FNDC3B: variants seen among roughly 807,000 people sequenced by gnomAD.
FNDC3B encodes the protein fibronectin type III domain containing 3B.
A neutral mutation model predicts 151.5 loss-of-function variants in FNDC3B; 12 were observed. That is an observed-to-expected ratio of 0.08 (90% confidence interval 0.05 to 0.13). FNDC3B has a LOEUF of 0.13. FNDC3B is among the 10% of genes least tolerant of loss of function. FNDC3B has a pLI of 1.00. For missense variants in FNDC3B, 1,214 were observed against 1,505.3 expected, an observed-to-expected ratio of 0.81 and a Z score of 3.20; for synonymous variants, 528 against 549.0, an observed-to-expected ratio of 0.96 and a Z score of 0.54.
At chr3:172,183,954 G>A (rs780153180) in intron 3 of FNDC3B, among the ~76,000 whole-genome samples, 5 of 152,096 alleles carry the variant, frequency 3.3e-5, no homozygotes, top group Non-Finnish European at 7.4e-5. Flanking sequence ...TCTATGCCAG[G>A]TACATGGCTA....
At chr3:172,234,604 T>G in intron 4 of FNDC3B, among the ~76,000 whole-genome samples, 1 of 152,220 alleles carries the variant, frequency 6.6e-6, no homozygotes, top group East Asian at 1.9e-4. Flanking sequence ...CTTATTGACA[T>G]TTAGCATTTT....
At chr3:172,278,602 A>G (rs1000354660) in intron 6 of FNDC3B, among the ~76,000 whole-genome samples, 1 of 152,182 alleles carries the variant, frequency 6.6e-6, no homozygotes, top group Non-Finnish European at 1.5e-5. Context: ...GTGGGTTTGC[A>G]TCCCTGTACA....
intron 23 of FNDC3B, among the ~76,000 whole-genome samples, chr3:172,367,872 T>TA (rs1734706959): frequency 6.6e-6 from 1 of 152,184 alleles, no homozygotes; most frequent in South Asian, 2.1e-4. Context: ...AAGAGGGATC[T>TA]AATAGAGCAG....
At chr3:172,231,958 G>A (rs1726917819) in intron 4 of FNDC3B, among the ~76,000 whole-genome samples, 1 of 139,668 alleles carries the variant, frequency 7.2e-6, no homozygotes, top group Admixed American at 8.2e-5. Flanking sequence ...TTGGCTCACT[G>A]CAACCTCTGC....
In FNDC3B at chr3:172,392,810, C is replaced by CTTTCTTTT. The variant is rs1491505881; in HGVS notation, c.3304-4351_3304-4350insCTTTTTTT. ...GAATGAATTTTTTCTTTTTTTTTTT[C>CTTTCTTTT]TTTTTTTTTTTTCAGACAGAGAGTA... On this transcript the variant is annotated intron_variant, in intron 25 of 25. Coordinates refer to ENST00000415807, the MANE Select transcript of FNDC3B (RefSeq NM_022763.4). Among the ~76,000 whole-genome samples, 35 of 99,898 alleles carry CTTTCTTTT rather than the reference C, an allele frequency of 3.5e-4. 1 individual carries two copies. The South Asian group carries it at 5.2e-3, about 15-fold the overall frequency. 65.5% of individuals were successfully genotyped at this position (99,898 alleles called of 152,430 possible).
intron 2 of FNDC3B, among the ~76,000 whole-genome samples, chr3:172,122,227 C>T (rs1042413019): frequency 2.0e-5 from 3 of 152,064 alleles, no homozygotes; most frequent in Non-Finnish European, 2.9e-5. Flanking sequence ...AAGCAAGCTG[C>T]GTAAAATTCG....
intron 10 of FNDC3B, among the ~76,000 whole-genome samples, chr3:172,310,561 G>A (rs73167272): frequency 2.3e-3 from 354 of 152,350 alleles, no homozygotes; most frequent in Non-Finnish European, 4.3e-3. Context: ...CCATGAGGGT[G>A]TAAAAAGGGA....
At chr3:172,378,829 C>G (rs1320945518) in intron 24 of FNDC3B, among the ~76,000 whole-genome samples, 6 of 152,138 alleles carry the variant, frequency 3.9e-5, no homozygotes, top group African/African-American at 1.4e-4. Context: ...ACTTCAGCAG[C>G]CTTTCTCTTT....
Position 172,063,250 on chromosome 3 carries a change from A to G in FNDC3B, c.-29+23479A>G, listed in dbSNP as rs184937068. ...TTTGCTGTTTACTTCATCCCCACCCACCGCCACCAAAAATGCCTTCAGAAA... is the reference window on the plus strand; with the variant it reads ...TTTGCTGTTTACTTCATCCCCACCCGCCGCCACCAAAAATGCCTTCAGAAA... On this transcript the variant is annotated intron_variant, in intron 1 of 25. Transcript: ENST00000415807. Among the ~76,000 whole-genome samples the G allele has an allele frequency of 3.4e-4, 52 of 151,986 alleles. 2 individuals are homozygous for G. In the East Asian group the frequency reaches 9.7e-3, roughly 28 times the overall value.
chr3:172,043,491 T>G (rs1716196450), intron 1 of FNDC3B, among the ~76,000 whole-genome samples: 1 of 152,152 alleles, frequency 6.6e-6, no homozygotes, highest in Admixed American at 6.5e-5. Context: ...GTACTACAGG[T>G]GTGCACGCCA....
intron 3 of FNDC3B, among the ~76,000 whole-genome samples, chr3:172,151,469 C>CT (rs924599773): frequency 3.2e-4 from 48 of 151,790 alleles, no homozygotes; most frequent in African/African-American, 1.1e-3. Context: ...CCCCCAACCT[C>CT]TTTTTTTTTC....
chr3:172,117,567 T>A (rs1195519569), intron 2 of FNDC3B, among the ~76,000 whole-genome samples: 4 of 152,218 alleles, frequency 2.6e-5, no homozygotes, highest in Non-Finnish European at 4.4e-5. Flanking sequence ...AACAGAAGTG[T>A]CGACATAGGG....
intron 1 of FNDC3B, among the ~76,000 whole-genome samples, chr3:172,051,257 A>AT (rs113492710): frequency 0.13 from 18,917 of 143,388 alleles, 1,671 homozygotes; most frequent in African/African-American, 0.26. Context: ...CTAATTTTGT[A>AT]TTTTTTTTTT....
intron 10 of FNDC3B, 55 bp from the exon 11 acceptor site, chr3:172,310,773 C>G: frequency 7.6e-7 from 1 of 1,321,520 alleles, no homozygotes; most frequent in African/African-American, 1.4e-5. Flanking sequence ...GTGGGTAACT[C>G]ATAAGTTTTG....
intron 3 of FNDC3B, among the ~76,000 whole-genome samples, chr3:172,174,955 T>C (rs1723500731): frequency 4.1e-5 from 2 of 48,916 alleles, no homozygotes; most frequent in Non-Finnish European, 8.6e-5. Context: ...CCAATACAAT[T>C]TGCTGTCCAT....
intron 2 of FNDC3B, among the ~76,000 whole-genome samples, chr3:172,128,248 A>G (rs1275323457): frequency 6.6e-6 from 1 of 152,176 alleles, no homozygotes; most frequent in Admixed American, 6.5e-5. Flanking sequence ...AGTGAGCAAA[A>G]TGAGGCAATG....
At chr3:172,121,564 G>A (rs1720547409) in intron 2 of FNDC3B, among the ~76,000 whole-genome samples, 1 of 152,204 alleles carries the variant, frequency 6.6e-6, no homozygotes, top group Non-Finnish European at 1.5e-5. Flanking sequence ...AAACACAGAT[G>A]CAAGGTAAAA....
At chr3:172,084,329 T>C (rs927403244) in intron 1 of FNDC3B, among the ~76,000 whole-genome samples, 1 of 152,080 alleles carries the variant, frequency 6.6e-6, no homozygotes, top group African/African-American at 2.4e-5. Context: ...TGCACGCTTG[T>C]AGGCCCAGCT....
chr3:172,311,864 C>T (rs551233409), intron 11 of FNDC3B, among the ~76,000 whole-genome samples: 1 of 142,926 alleles, frequency 7.0e-6, no homozygotes, highest in South Asian at 2.5e-4. Context: ...GGCGACAGAG[C>T]AAGACTCCGT....
Sources: allele counts gnomAD v4.1 joint callset (sites outside exome capture counted in the v4.1 genomes callset), GRCh38; gene constraint gnomAD v4.1.1; transcripts MANE v1.5; gene names NCBI Gene and HGNC (gene_info 2026-07-23, HGNC 2026-07-21).